Variants in ERC1 observed in about 807,000 individuals in gnomAD.
ERC1 encodes the protein RAB6 interacting protein 2.
ERC1 carries 56 observed loss-of-function variants against 132.0 expected under a neutral mutation model. The observed-to-expected ratio is 0.42, with a 90% CI of 0.34 to 0.53. The LOEUF (loss-of-function observed/expected upper bound fraction) is 0.53. ERC1 is among the 20% of genes least tolerant of loss of function. ERC1 has a pLI of 0.03. For synonymous variants in ERC1, 478 were observed against 476.1 expected, an observed-to-expected ratio of 1.00 and a Z score of -0.05; for missense variants, 1,202 against 1,349.9, an observed-to-expected ratio of 0.89 and a Z score of 1.72.
intron 17 of ERC1, among the ~76,000 whole-genome samples, chr12:1,413,931 A>G (rs1009186584): frequency 3.9e-5 from 6 of 152,192 alleles, no homozygotes; most frequent in South Asian, 2.1e-4. Context: ...TTTTTCCACA[A>G]CGGGGGCTTG....
chr12:1,404,463 G>C (rs889245680), intron 16 of ERC1, among the ~76,000 whole-genome samples: 1 of 151,538 alleles, frequency 6.6e-6, no homozygotes, highest in South Asian at 2.1e-4. Flanking sequence ...TCGATAGTTG[G>C]TCTCACAAGC....
rs377704599 is a variant in ERC1, at chr12:1,083,347, C to T, written c.853C>T (p.Arg285Ter). The change falls in exon 3 of 19, where the codon CGA becomes TGA. Residue 285 changes from arginine to a stop codon, truncating the protein, a stop_gained. Coordinates refer to ENST00000360905, the MANE Select transcript of ERC1 (RefSeq NM_178040.4). LOFTEE classifies it high-confidence loss of function. ...GCAGGCCAAAGAGCTGTTTCTTCTT[C>T]GAAAGACATTGGAGGAAATGGAGCT... ...ERQAKELFLL[R>*]KTLEEMELRI... The T allele has an allele frequency of 1.2e-6, 2 of 1,613,910 alleles. No individual in the cohort carries two copies. Among genetic ancestry groups the T allele is most frequent in the Non-Finnish European group, 1.7e-6 (2 of 1,180,028 alleles).
chr12:1,445,014 A>AT (rs1565455188), intron 18 of ERC1: 4 of 348,552 alleles, frequency 1.1e-5, no homozygotes, highest in Non-Finnish European at 2.1e-5. Flanking sequence ...TTACTGTTTT[A>AT]TTTTTTTAAT....
In ERC1 at chr12:1,004,761, A is replaced by C. The variant is rs1592629764; in HGVS notation, c.-157+13439A>C. 2.0e-5 allele frequency among the ~76,000 whole-genome samples: 3 copies of C among 151,722 alleles called. No homozygotes were observed. In the East Asian group the frequency reaches 5.8e-4, roughly 29 times the overall value. The stretch of plus-strand genomic sequence containing the variant: ...TGAAAGATTTTACTTACTTGAAAAA[A>C]AATTGCTGTTGATGACTTTCTTTTC... On this transcript the variant is annotated intron_variant, in intron 1 of 18. Coordinates refer to ENST00000360905, the MANE Select transcript of ERC1 (RefSeq NM_178040.4).
chr12:1,296,896 G>A (rs1339284974), intron 15 of ERC1, among the ~76,000 whole-genome samples: 1 of 152,148 alleles, frequency 6.6e-6, no homozygotes, highest in Non-Finnish European at 1.5e-5. Context: ...ATAAAAGAGT[G>A]AGAATGAAGC....
chr12:1,010,157 G>A (rs1374202642), intron 1 of ERC1, among the ~76,000 whole-genome samples: 1 of 152,154 alleles, frequency 6.6e-6, no homozygotes, highest in Non-Finnish European at 1.5e-5. Flanking sequence ...TAACCGAGGG[G>A]AGGAAAATGG....
At chr12:1,471,648 T>A (rs1049353091) in intron 18 of ERC1, among the ~76,000 whole-genome samples, 1 of 152,206 alleles carries the variant, frequency 6.6e-6, no homozygotes, top group Non-Finnish European at 1.5e-5. Flanking sequence ...CTGACCCAAT[T>A]CATTTGTCCA....
intron 2 of ERC1, among the ~76,000 whole-genome samples, chr12:1,064,297 C>A (rs983478421): frequency 6.6e-6 from 1 of 151,780 alleles, no homozygotes; most frequent in Non-Finnish European, 1.5e-5. Context: ...ACAATCATGT[C>A]TCACGACAGC....
chr12:1,399,179 T>G (rs577975013), intron 16 of ERC1, among the ~76,000 whole-genome samples: 1 of 151,980 alleles, frequency 6.6e-6, no homozygotes, highest in African/African-American at 2.4e-5. Context: ...CTCAAACTTA[T>G]AGGCTCAAGC....
intron 12 of ERC1, among the ~76,000 whole-genome samples, chr12:1,232,011 T>C (rs1437251543): frequency 3.9e-5 from 6 of 152,208 alleles, no homozygotes. Context: ...AGTGCTGGGA[T>C]TACAGGCATG....
At chr12:1,190,499 T>G (rs902671091) in intron 12 of ERC1, among the ~76,000 whole-genome samples, 2 of 152,210 alleles carry the variant, frequency 1.3e-5, no homozygotes, top group African/African-American at 4.8e-5. Flanking sequence ...TTTTTATTGT[T>G]GAAAAGCACG....
chr12:1,049,778 G>A (rs1207906570), intron 2 of ERC1, among the ~76,000 whole-genome samples: 3 of 136,548 alleles, frequency 2.2e-5, no homozygotes, highest in Non-Finnish European at 4.6e-5. Flanking sequence ...TTAAGATGGA[G>A]TCTCACTCTT....
At chr12:1,454,116 T>G (rs1354528662) in intron 18 of ERC1, among the ~76,000 whole-genome samples, 2 of 152,062 alleles carry the variant, frequency 1.3e-5, no homozygotes, top group African/African-American at 4.8e-5. Context: ...AATGATGTAA[T>G]TAATCATGCC....
intron 8 of ERC1, among the ~76,000 whole-genome samples, chr12:1,166,807 T>C (rs1283005486): frequency 2.0e-5 from 3 of 152,206 alleles, no homozygotes; most frequent in Admixed American, 2.0e-4. Flanking sequence ...TCAGCATTAT[T>C]ATGGAGACAA....
intron 2 of ERC1, among the ~76,000 whole-genome samples, chr12:1,036,263 A>T (rs1234553073): frequency 1.3e-4 from 19 of 145,736 alleles, no homozygotes; most frequent in African/African-American, 1.5e-4. Context: ...ATTCTTTGTC[A>T]TTTTTTTTTC....
At chr12:1,161,009 C>G (rs1951837215) in intron 8 of ERC1, among the ~76,000 whole-genome samples, 1 of 152,162 alleles carries the variant, frequency 6.6e-6, no homozygotes, top group Non-Finnish European at 1.5e-5. Flanking sequence ...TTTGCTGTTT[C>G]TTCTTCTTTT....
intron 18 of ERC1, among the ~76,000 whole-genome samples, chr12:1,485,177 C>T (rs546951394): frequency 6.6e-6 from 1 of 151,174 alleles, no homozygotes; most frequent in East Asian, 1.9e-4. Context: ...GTGTGAGTCC[C>T]CAAACCTGGT....
At chr12:1,342,118 G>C (rs367620428) in intron 15 of ERC1, among the ~76,000 whole-genome samples, 12 of 152,052 alleles carry the variant, frequency 7.9e-5, no homozygotes, top group African/African-American at 2.6e-4. Flanking sequence ...GTGGGAGCTT[G>C]TAGAGAGAGT....
intron 15 of ERC1, among the ~76,000 whole-genome samples, chr12:1,295,349 C>T (rs981409326): frequency 6.6e-6 from 1 of 152,118 alleles, no homozygotes; most frequent in Admixed American, 6.5e-5. Flanking sequence ...CTGTGTAAAT[C>T]AGGGAAGTAA....
Sources: gnomAD v4.1 joint callset for allele counts (sites outside exome capture counted in the v4.1 genomes callset) on GRCh38, gnomAD v4.1.1 for gene constraint, MANE v1.5 for transcripts, NCBI Gene and HGNC (gene_info 2026-07-23, HGNC 2026-07-21) for gene names.